Variants in ERBB4 observed in about 807,000 individuals in gnomAD.
ERBB4 encodes the protein receptor tyrosine-protein kinase erbB-4.
ERBB4 carries 42 observed loss-of-function variants against 158.0 expected under a neutral mutation model. The ratio of observed to expected loss-of-function variants is 0.27; its 90% CI spans 0.21 to 0.34. ERBB4 has a LOEUF of 0.34. Among genes scored for constraint, ERBB4 ranks in the 10% least tolerant of loss-of-function variants. The probability of loss-of-function intolerance (pLI) is 1.00; values close to 1 mark genes in which losing one functional copy is unlikely to be tolerated. For synonymous variants in ERBB4, 583 were observed against 558.7 expected, an observed-to-expected ratio of 1.04 and a Z score of -0.61; for missense variants, 1,333 against 1,624.1, an observed-to-expected ratio of 0.82 and a Z score of 3.08.
intron 20 of ERBB4, among the ~76,000 whole-genome samples, chr2:211,541,823 G>C (rs1455749330): frequency 6.6e-6 from 1 of 151,998 alleles, no homozygotes; most frequent in Non-Finnish European, 1.5e-5. Context: ...TATGTAACGA[G>C]CTCTGTGCTA....
At chr2:211,759,663 C>T (rs1193206236) in intron 4 of ERBB4, among the ~76,000 whole-genome samples, 1 of 152,146 alleles carries the variant, frequency 6.6e-6, no homozygotes, top group Non-Finnish European at 1.5e-5. Flanking sequence ...TGACCCACTA[C>T]ATTTAAATAG....
At chr2:211,556,037 C>G (rs761672730) in intron 20 of ERBB4, among the ~76,000 whole-genome samples, 1 of 151,860 alleles carries the variant, frequency 6.6e-6, no homozygotes, top group Non-Finnish European at 1.5e-5. Flanking sequence ...AGCTGGATAA[C>G]GAGACCCAAC....
chr2:212,518,489 G>T (rs1035383239), intron 1 of ERBB4, among the ~76,000 whole-genome samples: 16 of 151,834 alleles, frequency 1.1e-4, no homozygotes, highest in African/African-American at 3.4e-4. Context: ...TTCAACATTT[G>T]CATACTTGTA....
intron 22 of ERBB4, among the ~76,000 whole-genome samples, chr2:211,427,398 CCTT>C (rs1303663417): frequency 6.6e-6 from 1 of 152,030 alleles, no homozygotes; most frequent in Non-Finnish European, 1.5e-5. Flanking sequence ...CGTATTGACT[CCTT>C]CTTGGTATTA....
chr2:212,226,393 T>C (rs73062427), intron 1 of ERBB4, among the ~76,000 whole-genome samples: 5,588 of 133,632 alleles, frequency 0.042, 339 homozygotes, highest in African/African-American at 0.13. Flanking sequence ...CCCATGGGAA[T>C]TGACATAGTA....
intron 3 of ERBB4, among the ~76,000 whole-genome samples, chr2:211,843,452 T>C (rs2077520299): frequency 6.6e-6 from 1 of 151,784 alleles, no homozygotes; most frequent in East Asian, 2.0e-4. Flanking sequence ...CAAACCAGGA[T>C]AGTTTTGCAT....
intron 2 of ERBB4, among the ~76,000 whole-genome samples, chr2:212,016,572 T>C (rs2076534290): frequency 6.6e-6 from 1 of 152,192 alleles, no homozygotes; most frequent in Admixed American, 6.6e-5. Context: ...CTCTAAACTT[T>C]ATGAATTTTT....
At chr2:211,448,637 G>A (rs1022378196) in intron 20 of ERBB4, among the ~76,000 whole-genome samples, 1 of 152,064 alleles carries the variant, frequency 6.6e-6, no homozygotes, top group African/African-American at 2.4e-5. Flanking sequence ...ACATTTTGAA[G>A]GACCAATAAA....
intron 15 of ERBB4, among the ~76,000 whole-genome samples, chr2:211,662,164 A>C (rs921377905): frequency 6.6e-6 from 1 of 150,658 alleles, no homozygotes; most frequent in African/African-American, 2.4e-5. Flanking sequence ...TTTTAAAAAG[A>C]TGTTCCATAA....
intron 1 of ERBB4, among the ~76,000 whole-genome samples, chr2:212,463,709 G>T (rs1688689674): frequency 6.6e-6 from 1 of 152,006 alleles, no homozygotes; most frequent in Non-Finnish European, 1.5e-5. Flanking sequence ...CAATCTGAGA[G>T]GCACAAACTA....
In ERBB4 at chr2:212,045,218, G is replaced by C. The variant is rs370762792; in HGVS notation, c.234+79534C>G. Among the ~76,000 whole-genome samples, 1,440 of 152,234 alleles carry C rather than the reference G, an allele frequency of 9.5e-3. 18 individuals are homozygous for C. The highest frequency in any genetic ancestry group is 0.053 in the South Asian group (256 of 4,824). On this transcript the variant is annotated intron_variant, in intron 2 of 27. Transcript: ENST00000342788. ...CTCATGCTTGTAATCCCAGCGCTTTGGGAGGCCAAGGCAGGCAGATCACAT... is the reference window on the plus strand; with the variant it reads ...CTCATGCTTGTAATCCCAGCGCTTTCGGAGGCCAAGGCAGGCAGATCACAT...
Position 212,406,031 on chromosome 2 carries a change from C to T in ERBB4, c.82+132418G>A, listed in dbSNP as rs149775956. ...CGAGGGACAAGCCCAAAACCATACA[C>T]AGTGTGAACTAATAAACCTCCTAAA... On this transcript the variant is annotated intron_variant, in intron 1 of 27. Transcript: ENST00000342788. Among the ~76,000 whole-genome samples the T allele has an allele frequency of 2.6e-5, 4 of 152,264 alleles. No homozygotes were observed. The East Asian group carries it at 5.8e-4, about 22-fold the overall frequency.
chr2:211,724,839 G>C, intron 6 of ERBB4, among the ~76,000 whole-genome samples: 1 of 152,058 alleles, frequency 6.6e-6, no homozygotes, highest in Non-Finnish European at 1.5e-5. Flanking sequence ...GTTCTCCAAT[G>C]AACCTCATTT....
At chr2:211,923,483 G>A (rs1330947291) in intron 3 of ERBB4, among the ~76,000 whole-genome samples, 2 of 152,142 alleles carry the variant, frequency 1.3e-5, no homozygotes, top group Non-Finnish European at 2.9e-5. Flanking sequence ...GGAAAAGTAA[G>A]AGCAATGAGA....
intron 1 of ERBB4, among the ~76,000 whole-genome samples, chr2:212,418,283 T>C (rs1374099577): frequency 1.3e-5 from 2 of 151,968 alleles, no homozygotes; most frequent in Non-Finnish European, 2.9e-5. Flanking sequence ...TACTTATTAA[T>C]ATTGTAAAAT....
chr2:211,482,124 AG>A lies in ERBB4; in HGVS notation c.2488-51025del, dbSNP rs1323997402. Among the ~76,000 whole-genome samples the A allele has an allele frequency of 4.6e-5, 7 of 152,328 alleles. No homozygotes were observed. In the East Asian group the frequency reaches 1.4e-3, roughly 29 times the overall value. On this transcript the variant is annotated intron_variant, in intron 20 of 27. Coordinates refer to ENST00000342788, the MANE Select transcript of ERBB4 (RefSeq NM_005235.3). ...TCACAGGGCAACAGAGACATAGAATAGGGAACTGTATAAGGATAATCCAGAG... is the reference window on the plus strand; with the variant it reads ...TCACAGGGCAACAGAGACATAGAATAGGAACTGTATAAGGATAATCCAGAG...
chr2:211,947,290 G>A, intron 3 of ERBB4, 140 bp downstream of exon 3: 1 of 732,572 alleles, frequency 1.4e-6, no homozygotes, highest in Admixed American at 2.4e-5. Context: ...GGGCATCATT[G>A]CTTATAAAAC....
chr2:211,828,885 T>A (rs913187153), intron 3 of ERBB4, among the ~76,000 whole-genome samples: 1 of 152,134 alleles, frequency 6.6e-6, no homozygotes, highest in Non-Finnish European at 1.5e-5. Context: ...GGGAGCACTG[T>A]TGCCACAGTC....
At chr2:211,765,860 C>T (rs983480918) in intron 4 of ERBB4, among the ~76,000 whole-genome samples, 25 of 152,078 alleles carry the variant, frequency 1.6e-4, no homozygotes, top group Non-Finnish European at 2.9e-4. Flanking sequence ...ATGTTTTAAA[C>T]GACTAGTTTA....
Sources: gnomAD v4.1 joint callset for allele counts (sites outside exome capture counted in the v4.1 genomes callset) on GRCh38, gnomAD v4.1.1 for gene constraint, MANE v1.5 for transcripts, NCBI Gene and HGNC (gene_info 2026-07-23, HGNC 2026-07-21) for gene names.